The following SLC24A2 variants were observed in gnomAD, a reference collection of about 807,000 sequenced individuals.
SLC24A2 encodes solute carrier family 24 member 2.
A neutral mutation model predicts 62.0 loss-of-function variants in SLC24A2; 36 were observed. The observed-to-expected ratio is 0.58, with a 90% CI of 0.44 to 0.77. SLC24A2 has a LOEUF of 0.77. Ranked by LOEUF, SLC24A2 falls within the 30% of genes least tolerant of loss-of-function variation. The pLI is 0.00. For synonymous variants in SLC24A2, 358 were observed against 294.0 expected (o/e 1.22, Z -2.23); for missense variants, 846 against 817.9 (o/e 1.03, Z -0.42).
chr9:19,873,288 C>A, the SLC24A2 span, among the ~76,000 whole-genome samples: 2 of 148,752 alleles, frequency 1.3e-5, no homozygotes, highest in African/African-American at 4.9e-5. Context: ...TTCTTTCTTT[C>A]TTCTTTTCTT....
intron 2 of SLC24A2, among the ~76,000 whole-genome samples, chr9:19,698,253 C>A (rs949489288): frequency 6.6e-6 from 1 of 151,970 alleles, no homozygotes; most frequent in Non-Finnish European, 1.5e-5. Flanking sequence ...CAAATTGCAG[C>A]CAAAACTTTG....
At chr9:19,566,660 C>T (rs530556402) in intron 7 of SLC24A2, among the ~76,000 whole-genome samples, 38 of 152,134 alleles carry the variant, frequency 2.5e-4, no homozygotes, top group Non-Finnish European at 4.9e-4. Flanking sequence ...GGCACATGCA[C>T]GTATGTTTAT....
chr9:19,550,059 A>T, intron 8 of SLC24A2, 78 bp downstream of exon 8: 1 of 1,474,212 alleles, frequency 6.8e-7, no homozygotes, highest in Non-Finnish European at 9.5e-7. Context: ...TCCTTTTAAC[A>T]CAAACTGAAG....
At chr9:19,992,448 T>C in the SLC24A2 span, among the ~76,000 whole-genome samples, 1 of 152,232 alleles carries the variant, frequency 6.6e-6, no homozygotes, top group Non-Finnish European at 1.5e-5. Flanking sequence ...AACTAAAATA[T>C]ATCTACCTCT....
the SLC24A2 span, among the ~76,000 whole-genome samples, chr9:20,089,559 A>G: frequency 7.9e-5 from 12 of 152,098 alleles, no homozygotes; most frequent in African/African-American, 2.4e-4. Flanking sequence ...CCCACTCCCA[A>G]TCTTCACCAG....
At chr9:19,561,631 TCACC>T in intron 7 of SLC24A2, among the ~76,000 whole-genome samples, 1 of 151,904 alleles carries the variant, frequency 6.6e-6, no homozygotes, top group Admixed American at 6.6e-5. Flanking sequence ...AGATGGGATT[TCACC>T]CATCCAGGAT....
the SLC24A2 span, among the ~76,000 whole-genome samples, chr9:19,843,686 C>T: frequency 0.016 from 2,388 of 152,194 alleles, 66 homozygotes; most frequent in African/African-American, 0.055. Context: ...CCATCCCTCC[C>T]TATTCTATTA....
At chr9:19,548,573 A>G (rs1834693370) in intron 8 of SLC24A2, among the ~76,000 whole-genome samples, 7 of 152,248 alleles carry the variant, frequency 4.6e-5, no homozygotes, top group Admixed American at 4.6e-4. Context: ...CCTCTTGCCA[A>G]TCTGAGTTGA....
At chr9:19,780,011 C>T (rs1005227956) in intron 2 of SLC24A2, among the ~76,000 whole-genome samples, 4 of 151,894 alleles carry the variant, frequency 2.6e-5, no homozygotes, top group African/African-American at 4.8e-5. Flanking sequence ...GCAAGTGAGC[C>T]GAGATCGCAC....
At chr9:19,859,928 A>T in the SLC24A2 span, among the ~76,000 whole-genome samples, 1 of 152,204 alleles carries the variant, frequency 6.6e-6, no homozygotes, top group Non-Finnish European at 1.5e-5. Context: ...GGAATTGCTC[A>T]TCCCAGCATC....
At chr9:20,028,773 G>C in the SLC24A2 span, among the ~76,000 whole-genome samples, 1 of 152,116 alleles carries the variant, frequency 6.6e-6, no homozygotes, top group East Asian at 1.9e-4. Context: ...CTTTGATTCC[G>C]GGCTTTGTAA....
At chr9:20,034,819 C>T in the SLC24A2 span, among the ~76,000 whole-genome samples, 1 of 152,100 alleles carries the variant, frequency 6.6e-6, no homozygotes, top group South Asian at 2.1e-4. Flanking sequence ...GGAACTAGCA[C>T]TGATTCCACA....
Position 19,577,014 on chromosome 9 carries a change from T to C in SLC24A2, c.1138A>G (p.Arg380Gly). 3 of 1,613,774 alleles carry C rather than the reference T, an allele frequency of 1.9e-6. No homozygotes were observed. The highest frequency in any genetic ancestry group is 2.5e-6 in the Non-Finnish European group (3 of 1,179,660). The change falls in exon 6 of 11, where the codon AGA becomes GGA. Residue 380 changes from arginine to glycine, a missense_variant. By Grantham distance (125) the Arg-to-Gly change is moderately radical. Coordinates refer to ENST00000341998, the MANE Select transcript of SLC24A2 (RefSeq NM_020344.4). ...YDTMTEEGRF[R>G]EKASILHKIA... Reference sequence around the variant, plus strand: ...TTGTGGAGAATTGAAGCCTTTTCTCTGAACCTCCCTGAAGCAAAAGAAAGT... The same window carrying C: ...TTGTGGAGAATTGAAGCCTTTTCTCCGAACCTCCCTGAAGCAAAAGAAAGT...
the SLC24A2 span, among the ~76,000 whole-genome samples, chr9:20,283,464 C>T: frequency 6.6e-6 from 1 of 152,106 alleles, no homozygotes; most frequent in Admixed American, 6.5e-5. Context: ...CTGCAGATTC[C>T]AGACCTAGAA....
chr9:20,093,575 A>G, the SLC24A2 span, among the ~76,000 whole-genome samples: 2 of 152,106 alleles, frequency 1.3e-5, no homozygotes, highest in Non-Finnish European at 2.9e-5. Context: ...CAAAATTTCT[A>G]TTGCTCCATT....
the SLC24A2 span, among the ~76,000 whole-genome samples, chr9:20,097,456 T>G: frequency 6.6e-6 from 1 of 152,088 alleles, no homozygotes; most frequent in Non-Finnish European, 1.5e-5. Context: ...AATACTGTAG[T>G]TGGATGTTGG....
Position 19,507,856 on chromosome 9 carries a change from A to G in SLC24A2, c.*8297T>C, listed in dbSNP as rs556626519. 25 of 152,368 alleles carry G rather than the reference A, an allele frequency of 1.6e-4. No homozygotes were observed. Among genetic ancestry groups the G allele is most frequent in the African/African-American group, 6.0e-4 (25 of 41,590 alleles). The allele number at this position is 152,368 out of a possible 1,614,324, so 9.4% of individuals were successfully genotyped here. ...CCTTTAAAACGGAGGCGAACAAAGG[A>G]AGCATGAGACCACGTCTATCCTAAA... On this transcript the variant is annotated 3_prime_UTR_variant, in exon 11 of 11. Coordinates refer to ENST00000341998, the MANE Select transcript of SLC24A2 (RefSeq NM_020344.4).
chr9:19,835,349 C>G, the SLC24A2 span, among the ~76,000 whole-genome samples: 1 of 152,072 alleles, frequency 6.6e-6, no homozygotes, highest in Admixed American at 6.6e-5. Context: ...TGCAGAGACA[C>G]ACATAGGCTC....
intron 2 of SLC24A2, among the ~76,000 whole-genome samples, chr9:19,776,769 T>G (rs557913054): frequency 6.6e-6 from 1 of 152,378 alleles, no homozygotes; most frequent in Admixed American, 6.5e-5. Flanking sequence ...TCTGGTCTTC[T>G]GTTTAGGGTG....
Sources: gnomAD v4.1 joint callset for allele counts (sites outside exome capture counted in the v4.1 genomes callset) on GRCh38, gnomAD v4.1.1 for gene constraint, MANE v1.5 for transcripts, NCBI Gene and HGNC (gene_info 2026-07-23, HGNC 2026-07-21) for gene names.